NFIX: variants seen among roughly 807,000 people sequenced by gnomAD.
The protein encoded by NFIX is nuclear factor 1 X-type.
Under a neutral mutation model 53.3 loss-of-function variants are expected in NFIX, and 2 were observed. The observed-to-expected ratio is 0.04, with a 90% CI of 0.02 to 0.12. The LOEUF (loss-of-function observed/expected upper bound fraction) is 0.12, where lower values mean the gene tolerates loss of function less well. Ranked by LOEUF, NFIX falls within the 10% of genes least tolerant of loss-of-function variation. The probability of loss-of-function intolerance (pLI) is 1.00; values close to 1 mark genes in which losing one functional copy is unlikely to be tolerated. For missense variants in NFIX, 310 were observed against 674.5 expected (o/e 0.46, Z 5.99); for synonymous variants, 244 against 289.0 (o/e 0.84, Z 1.58).
intron 1 of NFIX, among the ~76,000 whole-genome samples, chr19:13,003,644 A>T (rs957655543): frequency 3.4e-5 from 5 of 146,806 alleles, no homozygotes; most frequent in South Asian, 2.2e-4. Context: ...GTCTGGAAAC[A>T]TTTTTTTTTT....
chr19:13,049,232 A>C lies in NFIX; in HGVS notation c.559+23680A>C, dbSNP rs1450223066. ...CACACTACTGCACTCCAGCCTGGGC[A>C]GGCAACAGAGTAAGACTGCCTCTAA... On this transcript the variant is annotated intron_variant, in intron 2 of 10. Coordinates refer to ENST00000592199, the MANE Select transcript of NFIX (RefSeq NM_001365902.3). The surrounding 1 kb of genome is among the most constrained non-coding windows in gnomAD (Gnocchi z 4.5). Among the ~76,000 whole-genome samples, 1 of 152,158 alleles carries C rather than the reference A, an allele frequency of 6.6e-6. No individual in the cohort carries two copies. The highest frequency in any genetic ancestry group is 1.5e-5 in the Non-Finnish European group (1 of 68,016).
At chr19:13,056,491 C>A (rs1325091260) in intron 2 of NFIX, among the ~76,000 whole-genome samples, 1 of 152,182 alleles carries the variant, frequency 6.6e-6, no homozygotes, top group Non-Finnish European at 1.5e-5. Flanking sequence ...TTCACTCTTA[C>A]TGTTAAAGGG....
In NFIX at chr19:13,098,013, C is replaced by G. The variant is rs1215813793; in HGVS notation, c.*3364C>G. The G allele has an allele frequency of 1.3e-5, 2 of 151,996 alleles. No individual in the cohort carries two copies. Among genetic ancestry groups the G allele is most frequent in the African/African-American group, 4.9e-5 (2 of 41,210 alleles). 9.4% of individuals were successfully genotyped at this position (151,996 alleles called of 1,614,324 possible). On this transcript the variant is annotated 3_prime_UTR_variant, in exon 11 of 11. Transcript: ENST00000592199. Reference sequence around the variant, plus strand: ...CGCCCCACCCCGCAACCAGCCCTGTCGACTGCCTTATACACCCGCCCCCGC... The same window carrying G: ...CGCCCCACCCCGCAACCAGCCCTGTGGACTGCCTTATACACCCGCCCCCGC...
intron 2 of NFIX, among the ~76,000 whole-genome samples, chr19:13,032,063 C>A (rs2013854184): frequency 6.6e-6 from 1 of 152,194 alleles, no homozygotes; most frequent in South Asian, 2.1e-4. Flanking sequence ...AAGGCCCCAG[C>A]CGTGTCAGCG....
In NFIX at chr19:13,049,443, C is replaced by T. The variant is rs960413261; in HGVS notation, c.560-23604C>T. ...CTCATTCCTCCTAGGCCCTGGCAAC[C>T]GCTAATCTGCTTTGTTTCTATGGAT... On this transcript the variant is annotated intron_variant, in intron 2 of 10. Transcript: ENST00000592199. This position sits in a 1 kb window ranked among gnomAD's most constrained non-coding sequence, Gnocchi z 4.5. Among the ~76,000 whole-genome samples the T allele has an allele frequency of 2.6e-5, 4 of 152,040 alleles. No individual in the cohort carries two copies. Among genetic ancestry groups the T allele is most frequent in the African/African-American group, 9.7e-5 (4 of 41,376 alleles).
intron 2 of NFIX, among the ~76,000 whole-genome samples, chr19:13,062,675 G>A (rs1287576776): frequency 6.6e-6 from 1 of 152,194 alleles, no homozygotes; most frequent in African/African-American, 2.4e-5. Context: ...AGGAAAGGCT[G>A]TTTAGTTTCC....
intron 7 of NFIX, among the ~76,000 whole-genome samples, chr19:13,079,671 T>G (rs1599858072): frequency 2.0e-5 from 3 of 147,172 alleles, no homozygotes; most frequent in African/African-American, 2.5e-5. Flanking sequence ...GGCCGCGAGG[T>G]GGGGGTGGGG....
rs2015310296 is a variant in NFIX at position 13,051,202 on chromosome 19, TG to T, written c.560-21843del. ...CCCACCAGGTGTTTGGGATGCTGTC[TG>T]GCCCCTATACCAGCCCCACTCAGGG... On this transcript the variant is annotated intron_variant, in intron 2 of 10. Transcript: ENST00000592199. The surrounding 1 kb of genome is among the most constrained non-coding windows in gnomAD (Gnocchi z 5.1). Among the ~76,000 whole-genome samples the T allele has an allele frequency of 6.6e-6, 1 of 152,184 alleles. No homozygotes were observed. Among genetic ancestry groups the T allele is most frequent in the Non-Finnish European group, 1.5e-5 (1 of 68,020 alleles).
rs968651857 is a variant in NFIX at position 13,094,740 on chromosome 19, C to T, written c.*91C>T. On this transcript the variant is annotated 3_prime_UTR_variant, in exon 11 of 11. Transcript: ENST00000592199. The surrounding 1 kb of genome is among the most constrained non-coding windows in gnomAD (Gnocchi z 4.3). Reference sequence around the variant, plus strand: ...TTGAGAATGGAAAAATCCCCCAGCCCAGCCCAGCCCCACCGAAAAGCAAAA... The same window carrying T: ...TTGAGAATGGAAAAATCCCCCAGCCTAGCCCAGCCCCACCGAAAAGCAAAA... The T allele has an allele frequency of 1.5e-6, 2 of 1,378,350 alleles. No individual in the cohort carries two copies. Among genetic ancestry groups the T allele is most frequent in the Non-Finnish European group, 2.0e-6 (2 of 1,007,836 alleles). 85.4% of individuals were successfully genotyped at this position (1,378,350 alleles called of 1,614,324 possible). A position where few individuals can be genotyped will look rare whatever the true frequency, so the allele number is the denominator to read the frequency against.
At chr19:13,030,887 A>T (rs2013751083) in intron 2 of NFIX, among the ~76,000 whole-genome samples, 2 of 152,222 alleles carry the variant, frequency 1.3e-5, no homozygotes, top group South Asian at 4.1e-4. Context: ...GCACGACATC[A>T]GTTAGAGCAT....
rs529601816 is a variant in NFIX, at chr19:13,000,101, T to C, written c.27+4237T>C. Reference sequence around the variant, plus strand: ...GCCTCAAGAGCTCCCAGACGGAGGCTGCGGGAGCGGAGTCAAGGGCTAGGC... The same window carrying C: ...GCCTCAAGAGCTCCCAGACGGAGGCCGCGGGAGCGGAGTCAAGGGCTAGGC... On this transcript the variant is annotated intron_variant, in intron 1 of 10. Coordinates refer to ENST00000592199, the MANE Select transcript of NFIX (RefSeq NM_001365902.3). 4.6e-5 allele frequency among the ~76,000 whole-genome samples: 7 copies of C among 152,338 alleles called. No individual in the cohort carries two copies. In the South Asian group the frequency reaches 1.2e-3, roughly 27 times the overall value.
Position 13,094,370 on chromosome 19 carries a change from C to T in NFIX, c.1495-265C>T, listed in dbSNP as rs937425928. Among the ~76,000 whole-genome samples the T allele has an allele frequency of 2.0e-5, 3 of 152,224 alleles. No individual in the cohort carries two copies. Among genetic ancestry groups the T allele is most frequent in the African/African-American group, 7.2e-5 (3 of 41,448 alleles). ...GCCAGCGCCAGCCATGGGGGTCCCA[C>T]CCGCTGGGCACAGTGCCCACGGGAA... On this transcript the variant is annotated intron_variant, in intron 10 of 10. Transcript: ENST00000592199. This position sits in a 1 kb window ranked among gnomAD's most constrained non-coding sequence, Gnocchi z 4.3.
At position 13,094,611 on chromosome 19, in the gene NFIX, C is replaced by T; in HGVS notation, c.1495-24C>T. ...GACCTGCCCCAGCTGTTCTCAGTAT[C>T]GCCTCTTTTTCATCCTGTTTCAGTC... On this transcript the variant is annotated intron_variant, in intron 10 of 10. Transcript: ENST00000592199. This position sits in a 1 kb window ranked among gnomAD's most constrained non-coding sequence, Gnocchi z 4.3. 6.5e-7 allele frequency: 1 copy of T among 1,536,030 alleles called. No homozygotes were observed.
rs1198547035 is a variant in NFIX at position 12,996,272 on chromosome 19, T to C, written c.27+408T>C. Among the ~76,000 whole-genome samples, 1 of 150,880 alleles carries C rather than the reference T, an allele frequency of 6.6e-6. No homozygotes were observed. The highest frequency in any genetic ancestry group is 6.6e-5 in the Admixed American group (1 of 15,174). On this transcript the variant is annotated intron_variant, in intron 1 of 10. Transcript: ENST00000592199. The surrounding 1 kb of genome is among the most constrained non-coding windows in gnomAD (Gnocchi z 5.2). ...GTGGTCGCTGGCAGTGTTTGCGGGG[T>C]TGACAGAGTGGCAAGAGGGTGGTCC... is the stretch of plus-strand genomic sequence containing the variant.
intron 2 of NFIX, among the ~76,000 whole-genome samples, chr19:13,034,294 A>T (rs1287117603): frequency 6.6e-6 from 1 of 152,088 alleles, no homozygotes; most frequent in Non-Finnish European, 1.5e-5. Flanking sequence ...GAGAATGGGC[A>T]CCTGGCCCTG....
intron 2 of NFIX, among the ~76,000 whole-genome samples, chr19:13,042,544 G>C (rs2014711550): frequency 6.6e-6 from 1 of 151,834 alleles, no homozygotes; most frequent in African/African-American, 2.4e-5. Flanking sequence ...TTTTAGTAGA[G>C]ACGGGATTTC....
At chr19:13,023,929 G>GCCCCCCCCCCCCC in intron 1 of NFIX, 1 of 642,334 alleles carries the variant, frequency 1.6e-6, no homozygotes, top group Non-Finnish European at 2.7e-6. Context: ...TTCCTCCCCT[G>GCCCCCCCCCCCCC]CTCCTCCTCC....
intron 2 of NFIX, among the ~76,000 whole-genome samples, chr19:13,064,833 G>C (rs550218768): frequency 1.3e-5 from 2 of 152,202 alleles, no homozygotes; most frequent in Non-Finnish European, 2.9e-5. Flanking sequence ...GAGATGAAGG[G>C]AAATAGTAAT....
chr19:13,073,399 C>T lies in NFIX; in HGVS notation c.623-23C>T, dbSNP rs1325225114. ...GCCCCCTTCTGGCCTTGTCTTGACTCACTCATCCTTTCCCCTCTTCAGGGC... is the reference window on the plus strand; with the variant it reads ...GCCCCCTTCTGGCCTTGTCTTGACTTACTCATCCTTTCCCCTCTTCAGGGC... On this transcript the variant is annotated intron_variant, in intron 3 of 10. Coordinates refer to ENST00000592199, the MANE Select transcript of NFIX (RefSeq NM_001365902.3). This position sits in a 1 kb window ranked among gnomAD's most constrained non-coding sequence, Gnocchi z 4.5. 1 of 1,605,232 alleles carries T rather than the reference C, an allele frequency of 6.2e-7. No individual in the cohort carries two copies. Among genetic ancestry groups the T allele is most frequent in the Non-Finnish European group, 8.5e-7 (1 of 1,171,836 alleles).
Sources: allele counts gnomAD v4.1 joint callset (sites outside exome capture counted in the v4.1 genomes callset), GRCh38; gene constraint gnomAD v4.1.1; non-coding constraint Gnocchi (gnomAD v3.1); transcripts MANE v1.5; gene names NCBI Gene and HGNC (gene_info 2026-07-23, HGNC 2026-07-21).